The following SUN1 variants were observed in gnomAD, a reference collection of about 807,000 sequenced individuals.
SUN1 encodes the protein SUN domain-containing protein 1.
SUN1 carries 61 observed loss-of-function variants against 103.2 expected under a neutral mutation model. The ratio of observed to expected loss-of-function variants is 0.59; its 90% confidence interval spans 0.48 to 0.73. SUN1 has a LOEUF of 0.73. SUN1 is among the 30% of genes least tolerant of loss of function. The pLI is 0.00. For missense variants in SUN1, 1,052 were observed against 1,034.6 expected, an observed-to-expected ratio of 1.02 and a Z score of -0.23; for synonymous variants, 490 against 425.7, an observed-to-expected ratio of 1.15 and a Z score of -1.86.
chr7:844,477 G>A lies in SUN1; in HGVS notation c.658+957G>A, dbSNP rs563151582. Among the ~76,000 whole-genome samples the A allele has an allele frequency of 4.6e-5, 7 of 152,230 alleles. No homozygotes were observed. In the South Asian group the frequency reaches 6.2e-4, roughly 14 times the overall value. ...ATGACCGGACATAATGAAGGATGGCGACAGGACGAAGGCTTCTGCCCTAAG... is the reference window on the plus strand; with the variant it reads ...ATGACCGGACATAATGAAGGATGGCAACAGGACGAAGGCTTCTGCCCTAAG... On this transcript the variant is annotated intron_variant, in intron 5 of 18. Transcript: ENST00000401592.
chr7:851,077 A>T (rs1821625970), intron 5 of SUN1: 1 of 216,660 alleles, frequency 4.6e-6, no homozygotes, highest in South Asian at 9.9e-5. Context: ...CAATATTTGT[A>T]GGGCGGCTTC....
At chr7:836,936 C>T (rs1187961448) in intron 1 of SUN1, among the ~76,000 whole-genome samples, 2 of 152,158 alleles carry the variant, frequency 1.3e-5, no homozygotes, top group East Asian at 1.9e-4. Flanking sequence ...GAGGTGGTGA[C>T]GTCAGACGTG....
Position 856,607 on chromosome 7 carries a change from C to T in SUN1, c.1394+206C>T, listed in dbSNP as rs139577069. ...GGGGCTTGCCACATCCCCCTCCACG[C>T]GGCGTGGACCTCTGTAGTTAGCACT... On this transcript the variant is annotated intron_variant, in intron 12 of 18. Transcript: ENST00000401592. Among the ~76,000 whole-genome samples, 1,060 of 152,268 alleles carry T rather than the reference C, an allele frequency of 7.0e-3. 12 individuals are homozygous for T. The highest frequency in any genetic ancestry group is 0.048 in the Middle Eastern group (14 of 294).
intron 7 of SUN1, 124 bp from the exon 8 acceptor site, chr7:852,485 C>T: frequency 1.7e-6 from 2 of 1,168,946 alleles, no homozygotes; most frequent in Non-Finnish European, 2.5e-6. Flanking sequence ...GTAGATAAAA[C>T]CGTAACTGCT....
intron 5 of SUN1, among the ~76,000 whole-genome samples, chr7:848,078 G>T (rs556350946): frequency 1.0e-4 from 15 of 150,442 alleles, no homozygotes; most frequent in Admixed American, 2.0e-4. Context: ...CGCCCTCTCT[G>T]GGATCTCCTG....
At chr7:855,318 T>C (rs1481083358) in intron 11 of SUN1, among the ~76,000 whole-genome samples, 1 of 152,204 alleles carries the variant, frequency 6.6e-6, no homozygotes. Flanking sequence ...TCCAGGGTGC[T>C]TCCTCACTGC....
At chr7:821,071 T>G (rs1370298314) in intron 1 of SUN1, among the ~76,000 whole-genome samples, 1 of 152,002 alleles carries the variant, frequency 6.6e-6, no homozygotes, top group African/African-American at 2.4e-5. Context: ...TTCATTTTGT[T>G]CTCAATGAAA....
In SUN1 at chr7:839,699, C is replaced by T. The variant is rs1807272904; in HGVS notation, c.266+713C>T. Among the ~76,000 whole-genome samples, 2 of 112,878 alleles carry T rather than the reference C, an allele frequency of 1.8e-5. 1 individual carries two copies. The highest frequency in any genetic ancestry group is 3.8e-5 in the Non-Finnish European group (2 of 53,246). 74.1% of individuals were successfully genotyped at this position (112,878 alleles called of 152,430 possible). A position where few individuals can be genotyped will look rare whatever the true frequency, so the allele number is the denominator to read the frequency against. ...TCCCGAGTAGCTGGGACTACAGGCA[C>T]CCACCACCACGCCCAGCTAATTTTT... is the stretch of plus-strand genomic sequence containing the variant. On this transcript the variant is annotated intron_variant, in intron 2 of 18. Coordinates refer to ENST00000401592, the MANE Select transcript of SUN1 (RefSeq NM_001130965.3).
At chr7:859,442 G>T (rs191867636) in intron 13 of SUN1, among the ~76,000 whole-genome samples, 1 of 152,136 alleles carries the variant, frequency 6.6e-6, no homozygotes, top group African/African-American at 2.4e-5. Context: ...AGAAATAAAG[G>T]CACCAGTACA....
At chr7:861,737 ACTCT>A (rs1351189156) in intron 15 of SUN1, among the ~76,000 whole-genome samples, 2 of 151,844 alleles carry the variant, frequency 1.3e-5, no homozygotes, top group African/African-American at 4.8e-5. Context: ...TCGACTGTTC[ACTCT>A]CTCCTGTGCT....
At chr7:816,145 T>C, upstream of SUN1, 3 of 229,446 alleles carry the variant, frequency 1.3e-5, no homozygotes, top group South Asian at 1.0e-4. Context: ...CTCCCCAACG[T>C]AGACCGCGTA....
At chr7:864,579 A>G (rs1050956123) in intron 15 of SUN1, among the ~76,000 whole-genome samples, 2 of 151,184 alleles carry the variant, frequency 1.3e-5, no homozygotes, top group South Asian at 2.1e-4. Flanking sequence ...AAAAAGCACA[A>G]TGAAGTTCAC....
Position 838,855 on chromosome 7 carries a change from A to G in SUN1, c.135A>G (p.Val45=). ...DFETEHKLDP[V]FDSPRMSRRS... ...AGACGGAGCACAAATTGGACCCTGT[A>G]TTTGATTCTCCACGGATGTCCCGCC... The change falls in exon 2 of 19, where the codon GTA becomes GTG. Residue 45 remains valine (V), a synonymous_variant. Coordinates refer to ENST00000401592, the MANE Select transcript of SUN1 (RefSeq NM_001130965.3). The G allele has an allele frequency of 6.3e-7, 1 of 1,587,096 alleles. No homozygotes were observed. The highest frequency in any genetic ancestry group is 2.3e-5 in the East Asian group (1 of 44,026).
At chr7:868,413 C>T (rs1438758864) in intron 16 of SUN1, 7 of 272,712 alleles carry the variant, frequency 2.6e-5, no homozygotes, top group South Asian at 1.0e-4. Context: ...TCTGGGGCTG[C>T]AGGCTGCACC....
In SUN1 at chr7:853,414, CAGTG is replaced by C. The variant is rs1317723701; in HGVS notation, c.1062_1065del (p.Ser354ArgfsTer8). 1.9e-6 allele frequency: 3 copies of C among 1,613,684 alleles called. No individual in the cohort carries two copies. The highest frequency in any genetic ancestry group is 8.5e-7 in the Non-Finnish European group (1 of 1,180,030). ...TTTCTCTCTTGCCATTTCAGGGTGA[CAGTG>C]AGGCTTTTCCGTGGCATTGGATGAG... is the stretch of plus-strand genomic sequence containing the variant. On this transcript the variant is annotated frameshift_variant, in exon 10 of 19. Coordinates refer to ENST00000401592, the MANE Select transcript of SUN1 (RefSeq NM_001130965.3). LOFTEE classifies it high-confidence loss of function.
intron 11 of SUN1, among the ~76,000 whole-genome samples, chr7:855,247 G>T (rs1562732968): frequency 6.6e-6 from 1 of 152,204 alleles, no homozygotes; most frequent in Admixed American, 6.5e-5. Flanking sequence ...GGCTGCACAC[G>T]CCAGGAGGTG....
Position 843,666 on chromosome 7 carries a change from T to C in SUN1, c.658+146T>C, listed in dbSNP as rs772306929. Reference sequence around the variant, plus strand: ...ATAAGAAGTACACCCCAAACCAGCTTTGTCCTTCCTGTCCTCTTCTAGTTT... The same window carrying C: ...ATAAGAAGTACACCCCAAACCAGCTCTGTCCTTCCTGTCCTCTTCTAGTTT... On this transcript the variant is annotated intron_variant, in intron 5 of 18. Coordinates refer to ENST00000401592, the MANE Select transcript of SUN1 (RefSeq NM_001130965.3). 1.1e-5 allele frequency: 17 copies of C among 1,514,072 alleles called. No homozygotes were observed. In the South Asian group the frequency reaches 1.2e-4, roughly 11 times the overall value. 93.8% of individuals were successfully genotyped at this position (1,514,072 alleles called of 1,614,324 possible). A position where few individuals can be genotyped will look rare whatever the true frequency, so the allele number is the denominator to read the frequency against.
intron 1 of SUN1, among the ~76,000 whole-genome samples, chr7:833,950 G>A (rs1276052114): frequency 2.0e-5 from 3 of 152,214 alleles, no homozygotes; most frequent in Non-Finnish European, 4.4e-5. Flanking sequence ...TACCTTGGGA[G>A]AGCAACACTT....
intron 5 of SUN1, chr7:849,724 C>A: frequency 8.4e-7 from 1 of 1,191,090 alleles, no homozygotes; most frequent in Non-Finnish European, 1.2e-6. Flanking sequence ...TCACTGATGA[C>A]GACGGGCTGT....
Sources: gnomAD v4.1 joint callset for allele counts (sites outside exome capture counted in the v4.1 genomes callset) on GRCh38, gnomAD v4.1.1 for gene constraint, MANE v1.5 for transcripts, NCBI Gene and HGNC (gene_info 2026-07-23, HGNC 2026-07-21) for gene names.